The following CCNY variants were observed in gnomAD, a reference collection of about 807,000 sequenced individuals.
The protein encoded by CCNY is cyclin Y, also known as cyclin-Y.
Under a neutral mutation model 42.8 loss-of-function variants are expected in CCNY, and 19 were observed. That is an observed-to-expected ratio of 0.44 (90% confidence interval 0.31 to 0.65). The LOEUF (loss-of-function observed/expected upper bound fraction) is 0.65, where lower values mean the gene tolerates loss of function less well. Ranked by LOEUF, CCNY falls within the 30% of genes least tolerant of loss-of-function variation. The pLI, the probability that CCNY is intolerant of heterozygous loss-of-function variation, is 0.07. For missense variants in CCNY, 370 were observed against 437.3 expected (o/e 0.85, Z 1.37); for synonymous variants, 165 against 162.7 (o/e 1.01, Z -0.11).
chr10:35,368,032 T>TC, intron 1 of CCNY, among the ~76,000 whole-genome samples: 1 of 152,232 alleles, frequency 6.6e-6, no homozygotes, highest in South Asian at 2.1e-4. Flanking sequence ...CTTAGGTGCA[T>TC]ATGCTAGGAA....
At position 35,336,886 on chromosome 10, in the gene CCNY, C is replaced by CGCA. The variant is rs936081497; in HGVS notation, c.-166_-165insAGC. ...GCCGCCCATGGCGAGGCCCCGCCGC[C>CGCA]GCCGCCGCTGCTGACCCGGCGGCCG... On this transcript the variant is annotated 5_prime_UTR_variant, in exon 1 of 10. Transcript: ENST00000374704. 12 of 206,832 alleles carry CGCA rather than the reference C, an allele frequency of 5.8e-5. No individual in the cohort carries two copies. The highest frequency in any genetic ancestry group is 6.4e-5 in the Non-Finnish European group (8 of 125,100). 12.8% of individuals were successfully genotyped at this position (206,832 alleles called of 1,614,324 possible). A position where few individuals can be genotyped will look rare whatever the true frequency, so the allele number is the denominator to read the frequency against.
chr10:35,554,066 T>C (rs1482226788), intron 8 of CCNY, among the ~76,000 whole-genome samples: 1 of 152,200 alleles, frequency 6.6e-6, no homozygotes, highest in African/African-American at 2.4e-5. Flanking sequence ...GGCTTTAAGC[T>C]GGAGGAGGTT....
At chr10:35,458,323 C>T (rs898756504) in intron 1 of CCNY, among the ~76,000 whole-genome samples, 1 of 152,234 alleles carries the variant, frequency 6.6e-6, no homozygotes, top group Non-Finnish European at 1.5e-5. Flanking sequence ...TTTCTCCCTG[C>T]ATCCACAGTT....
At chr10:35,254,537 T>A (rs2095714162) in intron 3 of CCNY, among the ~76,000 whole-genome samples, 1 of 152,038 alleles carries the variant, frequency 6.6e-6, no homozygotes, top group Non-Finnish European at 1.5e-5. Context: ...TCTAATTTGA[T>A]GATAAAATAA....
intron 2 of CCNY, among the ~76,000 whole-genome samples, chr10:35,492,993 TG>T (rs758027644): frequency 4.7e-4 from 70 of 150,240 alleles, no homozygotes; most frequent in Middle Eastern, 3.4e-3. Flanking sequence ...TTGAGGTGCA[TG>T]GGGGGGGGAG....
At chr10:35,370,165 T>C (rs1836898292) in intron 1 of CCNY, among the ~76,000 whole-genome samples, 1 of 152,110 alleles carries the variant, frequency 6.6e-6, no homozygotes, top group African/African-American at 2.4e-5. Flanking sequence ...TTTTTTTTTT[T>C]TTTTGAGACG....
At chr10:35,512,836 G>T (rs181175175) in intron 3 of CCNY, among the ~76,000 whole-genome samples, 1 of 152,050 alleles carries the variant, frequency 6.6e-6, no homozygotes, top group African/African-American at 2.4e-5. Flanking sequence ...TCGCGGGTGG[G>T]AGCAGTTGAA....
chr10:35,337,138 G>T lies in CCNY; in HGVS notation c.85G>T (p.Asp29Tyr), dbSNP rs954971893. ...CTCCCGGCTGGAGTCCTACCGGCCA[G>T]ACACGGACCTGAGCCGCGAGGACAC... The part of the protein sequence containing the change: ...AHSRLESYRP[D>Y]TDLSREDTGC... The change falls in exon 1 of 10, where the codon GAC becomes TAC. Residue 29 changes from aspartate (D) to tyrosine (Y), a missense_variant. By Grantham distance (160) the Asp-to-Tyr change is radical. Around this residue, in one of 2 missense-constraint regions of CCNY, gnomAD observed 136 missense variants for 124.2 expected, o/e 1.09. Coordinates refer to ENST00000374704, the MANE Select transcript of CCNY (RefSeq NM_145012.6). 18 of 1,588,368 alleles carry T rather than the reference G, an allele frequency of 1.1e-5. No homozygotes were observed. Among genetic ancestry groups the T allele is most frequent in the Non-Finnish European group, 1.2e-5 (14 of 1,169,528 alleles).
chr10:35,483,932 TTC>T (rs958257585), intron 2 of CCNY, among the ~76,000 whole-genome samples: 2 of 152,054 alleles, frequency 1.3e-5, no homozygotes, highest in Non-Finnish European at 1.5e-5. Flanking sequence ...GATGTTTTCT[TTC>T]TCTTTTTTTT....
chr10:35,342,185 G>C (rs1321301860), intron 1 of CCNY, among the ~76,000 whole-genome samples: 3 of 152,176 alleles, frequency 2.0e-5, no homozygotes, highest in Non-Finnish European at 4.4e-5. Flanking sequence ...AGGGCAATTT[G>C]AAATCTAAGT....
intron 1 of CCNY, among the ~76,000 whole-genome samples, chr10:35,247,887 A>G (rs1329754188): frequency 4.0e-5 from 6 of 150,412 alleles, no homozygotes; most frequent in Admixed American, 6.6e-5. Context: ...AAAAAAAAAA[A>G]AAAAGAAAAG....
At chr10:35,516,426 C>T in intron 3 of CCNY, 97 bp from the exon 4 acceptor site, 1 of 777,400 alleles carries the variant, frequency 1.3e-6, no homozygotes, top group East Asian at 2.6e-5. Context: ...GACATTTTTC[C>T]TCTGTGGTCT....
At chr10:35,457,701 T>C (rs1023219739) in intron 1 of CCNY, among the ~76,000 whole-genome samples, 1 of 151,726 alleles carries the variant, frequency 6.6e-6, no homozygotes, top group African/African-American at 2.4e-5. Context: ...CTGCCTCAGC[T>C]CCCCGAGTAG....
At chr10:35,475,037 A>C (rs1336788761) in intron 1 of CCNY, among the ~76,000 whole-genome samples, 1 of 152,220 alleles carries the variant, frequency 6.6e-6, no homozygotes, top group Non-Finnish European at 1.5e-5. Flanking sequence ...AACTGGAAGA[A>C]AGGGTATCAG....
At chr10:35,291,554 CAG>C (rs1169730513) in intron 3 of CCNY, among the ~76,000 whole-genome samples, 5 of 113,066 alleles carry the variant, frequency 4.4e-5, no homozygotes, top group African/African-American at 1.7e-4. Flanking sequence ...TTTTTTGAGA[CAG>C]AGTCTCACTC....
At chr10:35,363,910 G>C (rs1255493103) in intron 1 of CCNY, among the ~76,000 whole-genome samples, 1 of 152,220 alleles carries the variant, frequency 6.6e-6, no homozygotes, top group Non-Finnish European at 1.5e-5. Context: ...GGATATTGGA[G>C]AAGAGCGGAG....
chr10:35,400,176 T>C (rs899123019), intron 1 of CCNY, among the ~76,000 whole-genome samples: 3 of 151,576 alleles, frequency 2.0e-5, no homozygotes, highest in African/African-American at 7.3e-5. Flanking sequence ...GGCAGTTTTA[T>C]AGAAGAATTC....
At position 35,571,472 on chromosome 10, in the gene CCNY, T is replaced by A. The variant is rs564638500; in HGVS notation, c.*2302T>A. 1 of 152,466 alleles carries A rather than the reference T, an allele frequency of 6.6e-6. No individual in the cohort carries two copies. Among genetic ancestry groups the A allele is most frequent in the East Asian group, 1.9e-4 (1 of 5,330 alleles). The allele number at this position is 152,466 out of a possible 1,614,324, so 9.4% of individuals were successfully genotyped here. A position where few individuals can be genotyped will look rare whatever the true frequency, so the allele number is the denominator to read the frequency against. The stretch of plus-strand genomic sequence containing the variant: ...TGGATTCTACCTCTGTATAGGAAAA[T>A]TTTCCATATTCATTAATTAGTGTTG... On this transcript the variant is annotated 3_prime_UTR_variant, in exon 10 of 10. Coordinates refer to ENST00000374704, the MANE Select transcript of CCNY (RefSeq NM_145012.6).
chr10:35,485,724 C>CAAAAAA (rs60570748), intron 2 of CCNY, among the ~76,000 whole-genome samples: 22 of 97,776 alleles, frequency 2.3e-4, no homozygotes, highest in African/African-American at 7.3e-4. Flanking sequence ...GACTCCGTCT[C>CAAAAAA]AAAAAAAAAA....
Sources: gnomAD v4.1 joint callset for allele counts (sites outside exome capture counted in the v4.1 genomes callset) on GRCh38, gnomAD v4.1.1 for gene constraint, gnomAD v4.1.1 regional missense constraint, MANE v1.5 for transcripts, NCBI Gene and HGNC (gene_info 2026-07-23, HGNC 2026-07-21) for gene names.